Variants in RAP1GDS1 observed in about 807,000 individuals in gnomAD.
RAP1GDS1 encodes Rap1 GTPase-GDP dissociation stimulator 1, also known as RAP1, GTP-GDP dissociation stimulator 1.
A neutral mutation model predicts 71.1 loss-of-function variants in RAP1GDS1; 35 were observed. The observed-to-expected ratio is 0.49, with a 90% CI of 0.38 to 0.65. The LOEUF is 0.65. Among genes scored for constraint, RAP1GDS1 ranks in the 30% least tolerant of loss-of-function variants. RAP1GDS1 has a pLI of 0.00. For missense variants in RAP1GDS1, 663 were observed against 706.1 expected, an observed-to-expected ratio of 0.94 and a Z score of 0.69; for synonymous variants, 229 against 243.1, an observed-to-expected ratio of 0.94 and a Z score of 0.54.
At chr4:98,398,043 A>T (rs75705690) in intron 6 of RAP1GDS1, among the ~76,000 whole-genome samples, 4,014 of 152,170 alleles carry the variant, frequency 0.026, 171 homozygotes, top group African/African-American at 0.089. Flanking sequence ...TATTATTATT[A>T]TTTTTAGTTC....
chr4:98,406,790 C>A (rs1048076653), intron 7 of RAP1GDS1, among the ~76,000 whole-genome samples: 1 of 151,996 alleles, frequency 6.6e-6, no homozygotes, highest in Non-Finnish European at 1.5e-5. Context: ...CAAAGTATTT[C>A]TTTGACCTAA....
At chr4:98,382,195 A>G (rs147756966) in intron 5 of RAP1GDS1, among the ~76,000 whole-genome samples, 1 of 151,666 alleles carries the variant, frequency 6.6e-6, no homozygotes, top group African/African-American at 2.4e-5. Flanking sequence ...TTGTTTCCCT[A>G]TTGGTGAAGC....
intron 1 of RAP1GDS1, among the ~76,000 whole-genome samples, chr4:98,270,382 C>G (rs539874069): frequency 6.6e-5 from 10 of 152,206 alleles, no homozygotes; most frequent in African/African-American, 2.4e-4. Flanking sequence ...AATATAACCT[C>G]TATATAACTT....
At position 98,443,026 on chromosome 4, in the gene RAP1GDS1, T is replaced by C. The variant is rs1752079394; in HGVS notation, c.*909T>C. 12 of 216,080 alleles carry C rather than the reference T, an allele frequency of 5.6e-5. No individual in the cohort carries two copies. The highest frequency in any genetic ancestry group is 7.4e-5 in the Non-Finnish European group (8 of 108,750). The allele number at this position is 216,080 out of a possible 1,614,324, so 13.4% of individuals were successfully genotyped here. ...CATTGAAGAATGGAATTTTTTTTTT[T>C]TTTTTTTTTTTTGCTGTTTTTCATC... On this transcript the variant is annotated 3_prime_UTR_variant, in exon 15 of 15. Coordinates refer to ENST00000408927, the MANE Select transcript of RAP1GDS1 (RefSeq NM_001100427.2).
chr4:98,382,526 C>CTT (rs1260439490), intron 5 of RAP1GDS1, among the ~76,000 whole-genome samples: 1 of 151,228 alleles, frequency 6.6e-6, no homozygotes, highest in Non-Finnish European at 1.5e-5. Context: ...TTTGTTACAA[C>CTT]TTTAGTTATT....
intron 1 of RAP1GDS1, among the ~76,000 whole-genome samples, chr4:98,269,728 C>T (rs960489337): frequency 2.0e-5 from 3 of 152,114 alleles, no homozygotes; most frequent in South Asian, 2.1e-4. Flanking sequence ...AGGAAATGCA[C>T]ATTGCAGCAT....
At chr4:98,357,626 C>T (rs1296046740) in intron 4 of RAP1GDS1, among the ~76,000 whole-genome samples, 1 of 151,778 alleles carries the variant, frequency 6.6e-6, no homozygotes, top group Non-Finnish European at 1.5e-5. Context: ...AATTACAGAG[C>T]ACACACTAAA....
chr4:98,409,706 G>T, intron 7 of RAP1GDS1: 3 of 445,792 alleles, frequency 6.7e-6, no homozygotes, highest in South Asian at 5.7e-5. Context: ...CACTTTGTGA[G>T]AACAAACGGA....
intron 1 of RAP1GDS1, among the ~76,000 whole-genome samples, chr4:98,284,338 G>C (rs1416097316): frequency 6.6e-6 from 1 of 152,050 alleles, no homozygotes; most frequent in South Asian, 2.1e-4. Flanking sequence ...CCCAGGTACT[G>C]AACATATTAA....
chr4:98,439,780 A>G (rs879432010), intron 14 of RAP1GDS1, among the ~76,000 whole-genome samples: 6 of 152,216 alleles, frequency 3.9e-5, no homozygotes, highest in Non-Finnish European at 7.3e-5. Context: ...ATTTCCTTGC[A>G]GAGACTTTGA....
chr4:98,377,238 G>A (rs1228994333), intron 4 of RAP1GDS1, among the ~76,000 whole-genome samples: 1 of 151,850 alleles, frequency 6.6e-6, no homozygotes, highest in Non-Finnish European at 1.5e-5. Context: ...TTGCAATTTA[G>A]GATGGGATGT....
intron 14 of RAP1GDS1, among the ~76,000 whole-genome samples, chr4:98,437,583 A>G (rs1751315968): frequency 6.6e-6 from 1 of 152,132 alleles, no homozygotes; most frequent in African/African-American, 2.4e-5. Flanking sequence ...ACTTGAGGCC[A>G]GGAGTTCGAG....
chr4:98,330,986 A>G (rs1733921487), intron 2 of RAP1GDS1, among the ~76,000 whole-genome samples: 1 of 152,170 alleles, frequency 6.6e-6, no homozygotes. Context: ...AGATCACGCC[A>G]CTGCACTCCA....
chr4:98,269,173 C>A (rs1401595200), intron 1 of RAP1GDS1, among the ~76,000 whole-genome samples: 181 of 56,786 alleles, frequency 3.2e-3, no homozygotes, highest in African/African-American at 6.3e-3. Context: ...AATTGATCTT[C>A]AAAAAAAAAA....
intron 1 of RAP1GDS1, among the ~76,000 whole-genome samples, chr4:98,276,931 T>C (rs1304569357): frequency 6.6e-6 from 1 of 152,176 alleles, no homozygotes; most frequent in Non-Finnish European, 1.5e-5. Flanking sequence ...GATATTATGG[T>C]TCTCTCTCTA....
chr4:98,322,075 A>T (rs1732021273), intron 2 of RAP1GDS1, among the ~76,000 whole-genome samples: 1 of 79,892 alleles, frequency 1.3e-5, no homozygotes, highest in South Asian at 5.4e-4. Context: ...ATGGAGGAAG[A>T]TCTACCAAGC....
rs150069512 is a variant in RAP1GDS1, at chr4:98,431,862, A to G, written c.1441-2074A>G. Among the ~76,000 whole-genome samples, 317 of 152,326 alleles carry G rather than the reference A, an allele frequency of 2.1e-3. 3 individuals are homozygous for G. The highest frequency in any genetic ancestry group is 5.9e-3 in the Admixed American group (90 of 15,298). ...TATCTATTTTTTAATCCCATATTCT[A>G]TAAGGCAAAATGATTTCATAGAATA... On this transcript the variant is annotated intron_variant, in intron 12 of 14. Coordinates refer to ENST00000408927, the MANE Select transcript of RAP1GDS1 (RefSeq NM_001100427.2).
intron 1 of RAP1GDS1, among the ~76,000 whole-genome samples, chr4:98,291,631 A>C (rs1043600978): frequency 2.0e-5 from 3 of 152,196 alleles, no homozygotes; most frequent in Non-Finnish European, 2.9e-5. Flanking sequence ...AATAAAGTCT[A>C]GAGTTAAGGC....
At chr4:98,283,218 A>G (rs1725441248) in intron 1 of RAP1GDS1, among the ~76,000 whole-genome samples, 1 of 152,216 alleles carries the variant, frequency 6.6e-6, no homozygotes, top group South Asian at 2.1e-4. Flanking sequence ...GAGAAATAAA[A>G]ATGTTGATTT....
Sources: allele counts gnomAD v4.1 joint callset (sites outside exome capture counted in the v4.1 genomes callset), GRCh38; gene constraint gnomAD v4.1.1; transcripts MANE v1.5; gene names NCBI Gene and HGNC (gene_info 2026-07-23, HGNC 2026-07-21).